EPB41L3: variants seen among roughly 807,000 people sequenced by gnomAD.
EPB41L3 encodes erythrocyte membrane protein band 4.1 like 3.
Under a neutral mutation model 127.1 loss-of-function variants are expected in EPB41L3, and 57 were observed. The observed-to-expected ratio is 0.45, with a 90% CI of 0.36 to 0.56. The LOEUF (loss-of-function observed/expected upper bound fraction) is 0.56, where lower values mean the gene tolerates loss of function less well. EPB41L3 is among the 20% of genes least tolerant of loss of function. EPB41L3 has a pLI of 0.00. For missense variants in EPB41L3, 1,273 were observed against 1,372.2 expected (o/e 0.93, Z 1.14); for synonymous variants, 572 against 549.5 (o/e 1.04, Z -0.57).
At chr18:5,494,253 C>T (rs941899752) in intron 1 of EPB41L3, among the ~76,000 whole-genome samples, 1 of 152,156 alleles carries the variant, frequency 6.6e-6, no homozygotes. Context: ...AGCAGGTGGC[C>T]TCCATCTGTC....
At chr18:5,507,542 C>T (rs570034102) in intron 1 of EPB41L3, among the ~76,000 whole-genome samples, 5 of 152,046 alleles carry the variant, frequency 3.3e-5, no homozygotes, top group Admixed American at 1.3e-4. Context: ...GAGTAAGTTA[C>T]GTAAACTCTC....
At chr18:5,421,497 G>A (rs887023708) in intron 11 of EPB41L3, among the ~76,000 whole-genome samples, 1 of 152,252 alleles carries the variant, frequency 6.6e-6, no homozygotes, top group Non-Finnish European at 1.5e-5. Context: ...ATTCAAAAGG[G>A]CTGGCTCTAA....
At chr18:5,606,056 A>G (rs563660632) in intron 3 of EPB41L3, among the ~76,000 whole-genome samples, 10 of 152,142 alleles carry the variant, frequency 6.6e-5, no homozygotes, top group Non-Finnish European at 1.2e-4. Context: ...AGTGAAAATG[A>G]CAGATGCATC....
intron 3 of EPB41L3, among the ~76,000 whole-genome samples, chr18:5,573,528 G>A (rs1224958390): frequency 6.6e-6 from 1 of 152,166 alleles, no homozygotes; most frequent in East Asian, 1.9e-4. Flanking sequence ...TCCCTAGGTA[G>A]CTAACATTTA....
intron 3 of EPB41L3, among the ~76,000 whole-genome samples, chr18:5,571,859 ATTC>A (rs1226010691): frequency 6.6e-6 from 1 of 152,214 alleles, no homozygotes; most frequent in Non-Finnish European, 1.5e-5. Flanking sequence ...GGGTTGGATA[ATTC>A]TTCTCAAAAG....
chr18:5,579,073 T>TGC (rs2094365464), intron 3 of EPB41L3, among the ~76,000 whole-genome samples: 3 of 152,102 alleles, frequency 2.0e-5, no homozygotes, highest in Admixed American at 2.0e-4. Context: ...TATTAAACAA[T>TGC]AGAACAAAAC....
chr18:5,544,964 T>G (rs1259445635), upstream of EPB41L3, among the ~76,000 whole-genome samples: 1 of 152,128 alleles, frequency 6.6e-6, no homozygotes, highest in East Asian at 1.9e-4. Context: ...TTTTTTAATT[T>G]TTAAAATAAA....
At chr18:5,496,906 T>C (rs1598331291) in intron 1 of EPB41L3, among the ~76,000 whole-genome samples, 1 of 152,274 alleles carries the variant, frequency 6.6e-6, no homozygotes, top group Non-Finnish European at 1.5e-5. Context: ...ACATTCTAAT[T>C]GGAGGAGGAA....
chr18:5,528,744 C>T (rs936943671), intron 1 of EPB41L3, among the ~76,000 whole-genome samples: 12 of 151,942 alleles, frequency 7.9e-5, no homozygotes, highest in African/African-American at 2.9e-4. Context: ...ATTACAGGTA[C>T]CCACCATCAC....
chr18:5,549,914 G>A (rs538011549), intron 3 of EPB41L3, among the ~76,000 whole-genome samples: 17 of 152,264 alleles, frequency 1.1e-4, no homozygotes, highest in South Asian at 2.1e-4. Flanking sequence ...TACACTACAC[G>A]ATTCACAGTT....
At chr18:5,395,804 C>T in intron 19 of EPB41L3, 97 bp from the exon 20 acceptor site, 1 of 892,238 alleles carries the variant, frequency 1.1e-6, no homozygotes, top group Non-Finnish European at 1.8e-6. Flanking sequence ...ATTTCACTAT[C>T]TCCTATTATG....
chr18:5,532,489 A>G (rs986136718), intron 1 of EPB41L3, among the ~76,000 whole-genome samples: 2 of 152,252 alleles, frequency 1.3e-5, no homozygotes, highest in African/African-American at 4.8e-5. Context: ...TGTGTATCTC[A>G]GTACTTTGAT....
At position 5,416,034 on chromosome 18, in the gene EPB41L3, C is replaced by T; in HGVS notation, c.1851G>A (p.Leu617=). The T allele has an allele frequency of 6.2e-7, 1 of 1,613,792 alleles. No homozygotes were observed. Among genetic ancestry groups the T allele is most frequent in the Non-Finnish European group, 8.5e-7 (1 of 1,179,854 alleles). The change falls in exon 13 of 23, where the codon CTG becomes CTA. Residue 617 remains leucine, a synonymous_variant. Transcript: ENST00000341928. Reference sequence around the variant, plus strand: ...GGAGGTAATGCTGCAAGCTCTGGGGCAGGAGGTTGGTTTCAGAAAGGTTGG... The same window carrying T: ...GGAGGTAATGCTGCAAGCTCTGGGGTAGGAGGTTGGTTTCAGAAAGGTTGG... The part of the protein sequence containing the change: ...SFPNLSETNL[L]PQSLQHYLPI...
At chr18:5,621,599 G>A (rs147616222) in intron 1 of EPB41L3, among the ~76,000 whole-genome samples, 87 of 152,282 alleles carry the variant, frequency 5.7e-4, no homozygotes, top group African/African-American at 1.9e-3. Context: ...AAAATAGCGA[G>A]ATATGGTGGC....
At chr18:5,424,499 G>A in intron 9 of EPB41L3, 140 bp from the exon 10 acceptor site, 1 of 592,216 alleles carries the variant, frequency 1.7e-6, no homozygotes, top group Non-Finnish European at 2.9e-6. Context: ...CATAATTCAT[G>A]CTATACAGAT....
At chr18:5,497,684 T>C (rs945714541) in intron 1 of EPB41L3, among the ~76,000 whole-genome samples, 1 of 152,212 alleles carries the variant, frequency 6.6e-6, no homozygotes, top group Admixed American at 6.5e-5. Flanking sequence ...CCCGATATCA[T>C]CAGCAATACT....
intron 3 of EPB41L3, among the ~76,000 whole-genome samples, chr18:5,581,814 T>C (rs1022636254): frequency 1.3e-5 from 2 of 151,992 alleles, no homozygotes; most frequent in South Asian, 2.1e-4. Context: ...CTGGGCAACA[T>C]AGCGAGACTC....
intron 16 of EPB41L3, among the ~76,000 whole-genome samples, chr18:5,403,112 T>C (rs561919751): frequency 6.6e-6 from 1 of 152,188 alleles, no homozygotes; most frequent in African/African-American, 2.4e-5. Context: ...GGACAAGGCT[T>C]AGATGCATCA....
At chr18:5,394,867 A>C in intron 21 of EPB41L3, 74 bp from the exon 22 acceptor site, 1 of 1,383,562 alleles carries the variant, frequency 7.2e-7, no homozygotes, top group Non-Finnish European at 1.0e-6. Flanking sequence ...TGAGGTGGAG[A>C]CTTATGAGCT....
Sources: allele counts gnomAD v4.1 joint callset (sites outside exome capture counted in the v4.1 genomes callset), GRCh38; gene constraint gnomAD v4.1.1; transcripts MANE v1.5; gene names NCBI Gene and HGNC (gene_info 2026-07-23, HGNC 2026-07-21).